The following RBMS1 variants were observed in gnomAD, a reference collection of about 807,000 sequenced individuals.
The protein encoded by RBMS1 is RNA binding motif single stranded interacting protein 1.
RBMS1 carries 17 observed loss-of-function variants against 62.3 expected under a neutral mutation model. The observed-to-expected ratio is 0.27, with a 90% CI of 0.19 to 0.41. RBMS1 has a LOEUF of 0.41. RBMS1 is among the 10% of genes least tolerant of loss of function. The pLI, the probability that RBMS1 is intolerant of heterozygous loss-of-function variation, is 1.00. For synonymous variants in RBMS1, 172 were observed against 170.0 expected (o/e 1.01, Z -0.09); for missense variants, 334 against 504.5 (o/e 0.66, Z 3.24).
At chr2:160,454,946 A>G (rs190985113) in intron 1 of RBMS1, among the ~76,000 whole-genome samples, 145 of 152,364 alleles carry the variant, frequency 9.5e-4, no homozygotes, top group African/African-American at 3.2e-3. Flanking sequence ...AGTAAACATT[A>G]TATTCAGTCA....
chr2:160,354,043 A>G (rs765408611), intron 2 of RBMS1, among the ~76,000 whole-genome samples: 18 of 152,092 alleles, frequency 1.2e-4, no homozygotes, highest in Non-Finnish European at 1.9e-4. Context: ...GCTCTTTAGT[A>G]TAAGTGCCTG....
intron 1 of RBMS1, among the ~76,000 whole-genome samples, chr2:160,375,954 T>C (rs1213716928): frequency 3.3e-5 from 5 of 151,844 alleles, no homozygotes; most frequent in Non-Finnish European, 7.4e-5. Flanking sequence ...ACTTTTATCA[T>C]GACAGTTCAG....
At chr2:160,297,999 CTCTGGCTACAG>C (rs1297442920) in intron 6 of RBMS1, among the ~76,000 whole-genome samples, 7 of 152,134 alleles carry the variant, frequency 4.6e-5, no homozygotes, top group African/African-American at 1.7e-4. Flanking sequence ...ATCTAAGTCT[CTCTGGCTACAG>C]TCAGGGAGAA....
intron 1 of RBMS1, among the ~76,000 whole-genome samples, chr2:160,469,540 A>G (rs1684833951): frequency 6.6e-6 from 1 of 152,208 alleles, no homozygotes; most frequent in Non-Finnish European, 1.5e-5. Flanking sequence ...ACTCTGCAAG[A>G]ATCACTATCC....
chr2:160,428,255 G>A (rs114540891), intron 1 of RBMS1, among the ~76,000 whole-genome samples: 106 of 152,146 alleles, frequency 7.0e-4, no homozygotes, highest in Middle Eastern at 3.4e-3. Flanking sequence ...GGCAAAAAAC[G>A]TGGGGTGGCC....
chr2:160,460,475 G>A (rs1040129790), intron 1 of RBMS1, among the ~76,000 whole-genome samples: 4 of 152,236 alleles, frequency 2.6e-5, no homozygotes, highest in Admixed American at 2.0e-4. Context: ...GCAGTCTCAC[G>A]TAAGGTCACG....
At chr2:160,450,577 AAAC>A (rs1387422447) in intron 1 of RBMS1, among the ~76,000 whole-genome samples, 12 of 150,280 alleles carry the variant, frequency 8.0e-5, no homozygotes, top group African/African-American at 2.4e-4. Context: ...AAAAAAAAAA[AAAC>A]AAAAAACATT....
chr2:160,457,944 A>G (rs1684309132), intron 1 of RBMS1, among the ~76,000 whole-genome samples: 1 of 115,546 alleles, frequency 8.7e-6, no homozygotes, highest in East Asian at 2.4e-4. Flanking sequence ...TTTTGGGGTT[A>G]TTGGTTTGTT....
chr2:160,354,002 G>A lies in RBMS1; in HGVS notation c.251+13214C>T, dbSNP rs546279670. Among the ~76,000 whole-genome samples the A allele has an allele frequency of 4.3e-4, 65 of 152,200 alleles. 1 individual carries two copies. Among genetic ancestry groups the A allele is most frequent in the African/African-American group, 1.3e-3 (56 of 41,554 alleles). On this transcript the variant is annotated intron_variant, in intron 2 of 13. Coordinates refer to ENST00000348849, the MANE Select transcript of RBMS1 (RefSeq NM_016836.4). ...GGTTGAGAAATTTGCTCAAACAAGAGGCGGGGCCAGGTGGAAAGCTCTGAG... is the reference window on the plus strand; with the variant it reads ...GGTTGAGAAATTTGCTCAAACAAGAAGCGGGGCCAGGTGGAAAGCTCTGAG...
At chr2:160,324,831 G>T (rs1187659789) in intron 2 of RBMS1, among the ~76,000 whole-genome samples, 1 of 145,762 alleles carries the variant, frequency 6.9e-6, no homozygotes, top group Non-Finnish European at 1.5e-5. Flanking sequence ...CAGGTATACA[G>T]CTCCTACTCT....
At chr2:160,342,919 CAA>C (rs1276034732) in intron 2 of RBMS1, among the ~76,000 whole-genome samples, 1 of 151,900 alleles carries the variant, frequency 6.6e-6, no homozygotes, top group Non-Finnish European at 1.5e-5. Context: ...GCCTGGGCAA[CAA>C]GAGTGAGACT....
intron 6 of RBMS1, among the ~76,000 whole-genome samples, chr2:160,300,425 C>G (rs1387298897): frequency 1.3e-5 from 2 of 152,148 alleles, no homozygotes; most frequent in African/African-American, 2.4e-5. Flanking sequence ...GTGAATTGCA[C>G]AATGCTTTAC....
intron 1 of RBMS1, chr2:160,401,948 T>C (rs1695445637): frequency 6.6e-6 from 1 of 152,168 alleles, no homozygotes; most frequent in Non-Finnish European, 1.5e-5. Context: ...AGAATTTCAT[T>C]TTCAACCTCA....
intron 13 of RBMS1, 100 bp downstream of exon 13, chr2:160,275,530 T>A: frequency 6.6e-7 from 1 of 1,506,352 alleles, no homozygotes; most frequent in Non-Finnish European, 8.9e-7. Flanking sequence ...AGCAGTATGA[T>A]AAAATCCGAG....
Position 160,493,431 on chromosome 2 carries a change from T to G in RBMS1, c.-68A>C, listed in dbSNP as rs573204981. On this transcript the variant is annotated 5_prime_UTR_variant, in exon 1 of 14. Coordinates refer to ENST00000348849, the MANE Select transcript of RBMS1 (RefSeq NM_016836.4). ...GGGGTTTCCAAGTCTCGGGCTCTCC[T>G]GCCTCTCCCTTTCCGGCGGCGGCGG... 2.0e-6 allele frequency: 3 copies of G among 1,481,792 alleles called. No individual in the cohort carries two copies. The African/African-American group carries it at 4.2e-5, about 21-fold the overall frequency. 91.8% of individuals were successfully genotyped at this position (1,481,792 alleles called of 1,614,324 possible).
Position 160,278,608 on chromosome 2 carries a change from T to C in RBMS1, c.1002A>G (p.Ala334=), listed in dbSNP as rs1456092347. 2.5e-6 allele frequency: 4 copies of C among 1,613,762 alleles called. No homozygotes were observed. The highest frequency in any genetic ancestry group is 2.5e-6 in the Non-Finnish European group (3 of 1,179,828). Residue 334 remains alanine (A), a synonymous_variant, in exon 11 of 14, where the codon GCA becomes GCG. Transcript: ENST00000348849. ...SMEHTMSLQP[A]SMISPLAQQM... ...GCTGGGCCAGAGGGCTGATCATTGA[T>C]GCGGGCTGTAGTGACATGGTGTGCT...
chr2:160,459,449 C>T (rs1371195896), intron 1 of RBMS1, among the ~76,000 whole-genome samples: 1 of 152,132 alleles, frequency 6.6e-6, no homozygotes, highest in Non-Finnish European at 1.5e-5. Context: ...ACTTTTAAAT[C>T]CTTAATTCTT....
intron 1 of RBMS1, among the ~76,000 whole-genome samples, chr2:160,448,845 T>A (rs1333890796): frequency 1.3e-5 from 2 of 151,310 alleles, no homozygotes; most frequent in Non-Finnish European, 2.9e-5. Context: ...GTCTAGGAAG[T>A]GAGGAGCGTC....
intron 1 of RBMS1, among the ~76,000 whole-genome samples, chr2:160,374,352 T>C (rs112195560): frequency 9.2e-4 from 140 of 152,240 alleles, no homozygotes; most frequent in African/African-American, 3.2e-3. Context: ...AACAAGGACA[T>C]AGACTGGAAG....
Sources: gnomAD v4.1 joint callset for allele counts (sites outside exome capture counted in the v4.1 genomes callset) on GRCh38, gnomAD v4.1.1 for gene constraint, MANE v1.5 for transcripts, NCBI Gene and HGNC (gene_info 2026-07-23, HGNC 2026-07-21) for gene names.